Variants in ADAMTS20 observed in about 807,000 individuals in gnomAD.
The protein encoded by ADAMTS20 is A disintegrin and metalloproteinase with thrombospondin motifs 20.
ADAMTS20 carries 225 observed loss-of-function variants against 260.1 expected under a neutral mutation model. The ratio of observed to expected loss-of-function variants is 0.87; its 90% CI spans 0.78 to 0.97. ADAMTS20 has a LOEUF of 0.97. ADAMTS20 is among the 50% of genes least tolerant of loss of function. The pLI is 0.00. For missense variants in ADAMTS20, 2,400 were observed against 2,337.7 expected (o/e 1.03, Z -0.55); for synonymous variants, 802 against 769.5 (o/e 1.04, Z -0.70).
At chr12:43,455,120 G>C (rs1490197426) in intron 11 of ADAMTS20, among the ~76,000 whole-genome samples, 1 of 152,136 alleles carries the variant, frequency 6.6e-6, no homozygotes, top group African/African-American at 2.4e-5. Flanking sequence ...GACTACTCCA[G>C]ATAGTTCATA....
At chr12:43,456,580 T>C (rs75534958) in intron 11 of ADAMTS20, among the ~76,000 whole-genome samples, 3,660 of 152,216 alleles carry the variant, frequency 0.024, 69 homozygotes, top group East Asian at 0.079. Context: ...CACTCGAACA[T>C]AAATTTAAGT....
rs1026949838 is a variant in ADAMTS20, at chr12:43,490,503, A to T, written c.1077-68T>A. On this transcript the variant is annotated intron_variant, in intron 6 of 38. Transcript: ENST00000389420. The stretch of plus-strand genomic sequence containing the variant: ...TTTTGCAACAAGCCAAAATAAAAAT[A>T]AAGAAGCTTTAACTATGACATGACT... 4.8e-6 allele frequency: 4 copies of T among 828,520 alleles called. No individual in the cohort carries two copies. In the East Asian group the frequency reaches 1.3e-4, roughly 26 times the overall value. The allele number at this position is 828,520 out of a possible 1,614,324, so 51.3% of individuals were successfully genotyped here. A position where few individuals can be genotyped will look rare whatever the true frequency, so the allele number is the denominator to read the frequency against.
At chr12:43,545,850 T>C (rs1943434966) in intron 2 of ADAMTS20, among the ~76,000 whole-genome samples, 2 of 152,180 alleles carry the variant, frequency 1.3e-5, no homozygotes. Context: ...TTAGTTTCTC[T>C]AACACAGACA....
intron 2 of ADAMTS20, among the ~76,000 whole-genome samples, chr12:43,545,431 T>C (rs1049903950): frequency 6.6e-6 from 1 of 152,226 alleles, no homozygotes; most frequent in Non-Finnish European, 1.5e-5. Context: ...CCATTTTTAT[T>C]CATTCCTCAA....
At chr12:43,433,163 C>T (rs759926003) in intron 19 of ADAMTS20, among the ~76,000 whole-genome samples, 2 of 152,108 alleles carry the variant, frequency 1.3e-5, no homozygotes, top group Admixed American at 6.5e-5. Context: ...ATAAGTATTT[C>T]GATTTTATGA....
intron 7 of ADAMTS20, among the ~76,000 whole-genome samples, chr12:43,477,918 A>G (rs1002382864): frequency 6.6e-6 from 1 of 152,158 alleles, no homozygotes; most frequent in African/African-American, 2.4e-5. Flanking sequence ...AGAAATAAAA[A>G]TCTCTAGAAG....
chr12:43,393,923 A>G (rs1237394981), intron 29 of ADAMTS20, among the ~76,000 whole-genome samples: 1 of 152,088 alleles, frequency 6.6e-6, no homozygotes, highest in African/African-American at 2.4e-5. Context: ...GCATTTTTTA[A>G]TCTGCAATAT....
chr12:43,464,975 G>T (rs1353071658), intron 9 of ADAMTS20, among the ~76,000 whole-genome samples: 6 of 152,038 alleles, frequency 3.9e-5, no homozygotes, highest in African/African-American at 1.4e-4. Context: ...CATCTTGAAG[G>T]TGGCAATTTT....
At chr12:43,525,914 GCAA>G (rs1392300925) in intron 3 of ADAMTS20, among the ~76,000 whole-genome samples, 1 of 151,914 alleles carries the variant, frequency 6.6e-6, no homozygotes. Flanking sequence ...GAGATAGACA[GCAA>G]CGTAATAATA....
At position 43,468,719 on chromosome 12, in the gene ADAMTS20, C is replaced by T. The variant is rs1312116833; in HGVS notation, c.1118-14G>A. 1 of 1,440,628 alleles carries T rather than the reference C, an allele frequency of 6.9e-7. No homozygotes were observed. The highest frequency in any genetic ancestry group is 9.6e-7 in the Non-Finnish European group (1 of 1,042,384). The allele number at this position is 1,440,628 out of a possible 1,614,324, so 89.2% of individuals were successfully genotyped here. A position where few individuals can be genotyped will look rare whatever the true frequency, so the allele number is the denominator to read the frequency against. Reference sequence around the variant, plus strand: ...AATATGATAAACCTGAAAAATTTCACATTTGTATTTCATCAAAATGGAAAA... The same window carrying T: ...AATATGATAAACCTGAAAAATTTCATATTTGTATTTCATCAAAATGGAAAA... On this transcript the variant is annotated splice_polypyrimidine_tract_variant and intron_variant, in intron 7 of 38. Transcript: ENST00000389420.
At chr12:43,549,808 G>A (rs1446132552) in intron 2 of ADAMTS20, among the ~76,000 whole-genome samples, 1 of 152,132 alleles carries the variant, frequency 6.6e-6, no homozygotes, top group Non-Finnish European at 1.5e-5. Flanking sequence ...ACTTGAAAAA[G>A]AGCTCACATC....
At chr12:43,500,383 T>G (rs1157319684) in intron 4 of ADAMTS20, among the ~76,000 whole-genome samples, 1 of 152,168 alleles carries the variant, frequency 6.6e-6, no homozygotes, top group Non-Finnish European at 1.5e-5. Context: ...GCAAAGTATA[T>G]CCCATTGTTC....
intron 4 of ADAMTS20, 135 bp downstream of exon 4, chr12:43,502,017 A>C (rs1442441254): frequency 1.3e-6 from 1 of 778,396 alleles, no homozygotes; most frequent in Admixed American, 3.6e-5. Context: ...AACTTCAATG[A>C]AATCTTATTT....
intron 28 of ADAMTS20, among the ~76,000 whole-genome samples, chr12:43,418,867 C>G (rs1341236207): frequency 1.3e-5 from 2 of 152,106 alleles, no homozygotes; most frequent in Non-Finnish European, 2.9e-5. Flanking sequence ...ATTATTTATA[C>G]TGGATTTGAA....
At chr12:43,547,352 G>T (rs1428033228) in intron 2 of ADAMTS20, among the ~76,000 whole-genome samples, 2 of 152,176 alleles carry the variant, frequency 1.3e-5, no homozygotes, top group South Asian at 2.1e-4. Flanking sequence ...AGATACTGGA[G>T]GGGGAGGGGG....
intron 28 of ADAMTS20, among the ~76,000 whole-genome samples, chr12:43,418,607 G>C (rs2407500): frequency 0.33 from 50,866 of 152,100 alleles, 9,056 homozygotes; most frequent in East Asian, 0.75. Context: ...CTGCACCCAG[G>C]CTCGCCAAGG....
chr12:43,438,472 T>C (rs1245810814), intron 18 of ADAMTS20, among the ~76,000 whole-genome samples: 1 of 152,206 alleles, frequency 6.6e-6, no homozygotes, highest in Non-Finnish European at 1.5e-5. Context: ...CCGTCTATCT[T>C]GCATCATTTC....
intron 2 of ADAMTS20, among the ~76,000 whole-genome samples, chr12:43,535,148 T>A (rs1943276837): frequency 6.6e-6 from 1 of 152,188 alleles, no homozygotes; most frequent in Admixed American, 6.6e-5. Flanking sequence ...TGCATTTATA[T>A]GTTTGTTTGC....
At chr12:43,542,588 T>A (rs1427756911) in intron 2 of ADAMTS20, among the ~76,000 whole-genome samples, 1 of 152,226 alleles carries the variant, frequency 6.6e-6, no homozygotes, top group African/African-American at 2.4e-5. Context: ...TTTCTTTTAC[T>A]TTAGTACAGT....
Sources: gnomAD v4.1 joint callset for allele counts (sites outside exome capture counted in the v4.1 genomes callset) on GRCh38, gnomAD v4.1.1 for gene constraint, MANE v1.5 for transcripts, NCBI Gene and HGNC (gene_info 2026-07-23, HGNC 2026-07-21) for gene names.